PSD3: variants seen among roughly 807,000 people sequenced by gnomAD.
The protein encoded by PSD3 is pleckstrin and Sec7 domain containing 3.
A neutral mutation model predicts 105.5 loss-of-function variants in PSD3; 49 were observed. That is an observed-to-expected ratio of 0.46 (90% CI 0.37 to 0.59). PSD3 has a LOEUF of 0.59. PSD3 is among the 20% of genes least tolerant of loss of function. The pLI is 0.00. For synonymous variants in PSD3, 557 were observed against 457.8 expected (o/e 1.22, Z -2.77); for missense variants, 1,561 against 1,263.8 (o/e 1.24, Z -3.57).
At chr8:18,749,440 C>T (rs920785796) in intron 9 of PSD3, among the ~76,000 whole-genome samples, 1 of 152,208 alleles carries the variant, frequency 6.6e-6, no homozygotes, top group Non-Finnish European at 1.5e-5. Flanking sequence ...CGTAATTCCG[C>T]ATTTATGCAG....
intron 9 of PSD3, among the ~76,000 whole-genome samples, chr8:18,664,952 T>C (rs1429572367): frequency 6.6e-6 from 1 of 152,206 alleles, no homozygotes; most frequent in Non-Finnish European, 1.5e-5. Context: ...TGTCGAGACC[T>C]ATTGCTCAGA....
chr8:18,938,120 C>T (rs796726921), intron 1 of PSD3, among the ~76,000 whole-genome samples: 3 of 152,116 alleles, frequency 2.0e-5, no homozygotes, highest in South Asian at 2.1e-4. Flanking sequence ...GATTCATTTG[C>T]ATTTTAAAAG....
At chr8:18,931,768 G>A (rs1821765162) in intron 2 of PSD3, among the ~76,000 whole-genome samples, 1 of 152,176 alleles carries the variant, frequency 6.6e-6, no homozygotes, top group Non-Finnish European at 1.5e-5. Context: ...AGTCCCCGAA[G>A]GCCTCCCTCA....
upstream of PSD3, among the ~76,000 whole-genome samples, chr8:19,017,945 A>C (rs1003925966): frequency 6.6e-6 from 1 of 152,182 alleles, no homozygotes; most frequent in African/African-American, 2.4e-5. Context: ...ATTGTGGGTT[A>C]TATCGTGACT....
intron 4 of PSD3, among the ~76,000 whole-genome samples, chr8:18,839,309 C>T (rs1484499240): frequency 6.6e-6 from 1 of 152,200 alleles, no homozygotes; most frequent in Non-Finnish European, 1.5e-5. Context: ...GACACAAACT[C>T]AGCTGAATGT....
At chr8:18,911,566 T>C (rs1173998942) in intron 2 of PSD3, among the ~76,000 whole-genome samples, 1 of 152,202 alleles carries the variant, frequency 6.6e-6, no homozygotes, top group Non-Finnish European at 1.5e-5. Flanking sequence ...AAGATCTGTC[T>C]GAGGTTCCAA....
chr8:18,955,067 T>G (rs1449367222), intron 1 of PSD3, among the ~76,000 whole-genome samples: 1 of 152,176 alleles, frequency 6.6e-6, no homozygotes, highest in African/African-American at 2.4e-5. Context: ...CACCTTCAAA[T>G]GTTAGTGGCT....
intron 15 of PSD3, among the ~76,000 whole-genome samples, chr8:18,555,512 T>C (rs1282353203): frequency 6.6e-6 from 1 of 152,134 alleles, no homozygotes; most frequent in Non-Finnish European, 1.5e-5. Context: ...ACTTTAAAAA[T>C]AAAAAGACAC....
chr8:18,571,292 T>C (rs1207559607), intron 14 of PSD3, among the ~76,000 whole-genome samples: 1 of 152,306 alleles, frequency 6.6e-6, no homozygotes, highest in South Asian at 2.1e-4. Flanking sequence ...TTCTCAACAC[T>C]GTGCTCATGT....
At chr8:18,780,465 T>C (rs542407419) in intron 8 of PSD3, among the ~76,000 whole-genome samples, 36 of 152,312 alleles carry the variant, frequency 2.4e-4, no homozygotes, top group Admixed American at 8.5e-4. Flanking sequence ...AATTATTTTT[T>C]GGTTTTGTGT....
At position 18,880,762 on chromosome 8, in the gene PSD3, C is replaced by A. The variant is rs140627959; in HGVS notation, c.131-8029G>T. Among the ~76,000 whole-genome samples, 30 of 152,256 alleles carry A rather than the reference C, an allele frequency of 2.0e-4. No homozygotes were observed. In the East Asian group the frequency reaches 4.8e-3, roughly 24 times the overall value. ...TGTAAGAATCCACTGAAAACATTTCCCCTCCAGCGAGCCTTCCTGAATTAG... is the reference window on the plus strand; with the variant it reads ...TGTAAGAATCCACTGAAAACATTTCACCTCCAGCGAGCCTTCCTGAATTAG... On this transcript the variant is annotated intron_variant, in intron 2 of 15. Coordinates refer to ENST00000327040, the MANE Select transcript of PSD3 (RefSeq NM_015310.4).
Position 18,872,540 on chromosome 8 carries a change from T to C in PSD3, c.324A>G (p.Thr108=), listed in dbSNP as rs762530300. 8.1e-6 allele frequency: 13 copies of C among 1,613,968 alleles called. No individual in the cohort carries two copies. The East Asian group carries it at 8.9e-5, about 11-fold the overall frequency. The change falls in exon 3 of 16, where the codon ACA becomes ACG. Residue 108 remains threonine, a synonymous_variant. Transcript: ENST00000327040. ...TGCHSGLDSV[T]EGPKDVREAP... ...CCTCTCTGACATCTTTTGGTCCTTC[T>C]GTAACACTGTCGAGCCCAGAGTGGC...
intron 4 of PSD3, among the ~76,000 whole-genome samples, chr8:18,828,637 C>G (rs1025855451): frequency 6.6e-6 from 1 of 151,826 alleles, no homozygotes. Context: ...CCCATCTCTA[C>G]CAATCAATCA....
At chr8:18,648,533 C>T (rs1033274550) in intron 10 of PSD3, among the ~76,000 whole-genome samples, 21 of 152,044 alleles carry the variant, frequency 1.4e-4, no homozygotes, top group East Asian at 1.9e-4. Context: ...CTTATATGTG[C>T]GAGCAAATAA....
intron 1 of PSD3, among the ~76,000 whole-genome samples, chr8:18,987,882 T>C (rs1163114357): frequency 6.6e-6 from 1 of 152,094 alleles, no homozygotes; most frequent in East Asian, 1.9e-4. Flanking sequence ...ATAATCTAAA[T>C]CTGAGTGTAC....
At chr8:18,698,137 A>G (rs1264202712) in intron 9 of PSD3, among the ~76,000 whole-genome samples, 6 of 152,292 alleles carry the variant, frequency 3.9e-5, no homozygotes, top group Admixed American at 1.3e-4. Context: ...CTCACTCTGT[A>G]GCCCAGGCTC....
At chr8:18,800,731 C>T (rs1222713056) in intron 7 of PSD3, among the ~76,000 whole-genome samples, 1 of 152,130 alleles carries the variant, frequency 6.6e-6, no homozygotes, top group Admixed American at 6.5e-5. Context: ...AGTTTGTGGT[C>T]AGTATAGTAC....
chr8:18,708,818 G>A (rs968754730), intron 9 of PSD3, among the ~76,000 whole-genome samples: 6 of 151,950 alleles, frequency 3.9e-5, no homozygotes, highest in East Asian at 1.9e-4. Flanking sequence ...GGTGGTTGGC[G>A]TGACCCATGG....
intron 1 of PSD3, chr8:19,001,055 GCA>G (rs1563499665): frequency 1.3e-5 from 2 of 151,526 alleles, no homozygotes; most frequent in African/African-American, 4.9e-5. Flanking sequence ...CCTGCCACGC[GCA>G]AACACAGTGC....
Sources: allele counts gnomAD v4.1 joint callset (sites outside exome capture counted in the v4.1 genomes callset), GRCh38; gene constraint gnomAD v4.1.1; transcripts MANE v1.5; gene names NCBI Gene and HGNC (gene_info 2026-07-23, HGNC 2026-07-21).